Variants in WWOX observed in about 807,000 individuals in gnomAD.
The protein encoded by WWOX is WW domain-containing oxidoreductase.
WWOX carries 69 observed loss-of-function variants against 46.2 expected under a neutral mutation model. The ratio of observed to expected loss-of-function variants is 1.49; its 90% CI spans 1.23 to 1.82. The LOEUF (loss-of-function observed/expected upper bound fraction) is 1.82. Among genes scored for constraint, WWOX ranks in the 40% most tolerant of loss-of-function variants. The pLI, the probability that WWOX is intolerant of heterozygous loss-of-function variation, is 0.00. For missense variants in WWOX, 919 were observed against 542.6 expected, an observed-to-expected ratio of 1.69 and a Z score of -6.89; for synonymous variants, 359 against 202.6, an observed-to-expected ratio of 1.77 and a Z score of -6.56.
In WWOX at chr16:79,212,410, C is replaced by T; in HGVS notation, c.*614C>T. On this transcript the variant is annotated 3_prime_UTR_variant, in exon 9 of 9. Coordinates refer to ENST00000566780, the MANE Select transcript of WWOX (RefSeq NM_016373.4). ...GGTGGCAAAGTACTTGTCATAGACTCCTTTGCTAATGCTATGCAAAAAATT... is the reference window on the plus strand; with the variant it reads ...GGTGGCAAAGTACTTGTCATAGACTTCTTTGCTAATGCTATGCAAAAAATT... 1 of 399,462 alleles carries T rather than the reference C, an allele frequency of 2.5e-6. No individual in the cohort carries two copies. The highest frequency in any genetic ancestry group is 4.5e-6 in the Non-Finnish European group (1 of 224,664). The allele number at this position is 399,462 out of a possible 1,614,324, so 24.7% of individuals were successfully genotyped here. A position where few individuals can be genotyped will look rare whatever the true frequency, so the allele number is the denominator to read the frequency against.
At chr16:79,023,136 C>G (rs1384945190) in intron 8 of WWOX, among the ~76,000 whole-genome samples, 2 of 151,976 alleles carry the variant, frequency 1.3e-5, no homozygotes, top group African/African-American at 4.8e-5. Flanking sequence ...GGAATGTGAC[C>G]CGGGGGCTCT....
chr16:78,634,637 C>T (rs1349476213), intron 8 of WWOX, among the ~76,000 whole-genome samples: 5 of 148,528 alleles, frequency 3.4e-5, no homozygotes, highest in Admixed American at 1.3e-4. Flanking sequence ...ACCCAGGAGG[C>T]GGAGGTTGCA....
At chr16:78,926,411 C>G (rs2045499564) in intron 8 of WWOX, among the ~76,000 whole-genome samples, 1 of 151,934 alleles carries the variant, frequency 6.6e-6, no homozygotes, top group Admixed American at 6.6e-5. Flanking sequence ...TAAAGCCTGG[C>G]CCATGCAATT....
chr16:79,167,785 T>C (rs1414486708), intron 8 of WWOX, among the ~76,000 whole-genome samples: 2 of 152,230 alleles, frequency 1.3e-5, no homozygotes, highest in African/African-American at 4.8e-5. Context: ...CATTTTAAAG[T>C]GTACACTTCA....
chr16:79,024,343 C>G (rs1026698331), intron 8 of WWOX, among the ~76,000 whole-genome samples: 1 of 152,182 alleles, frequency 6.6e-6, no homozygotes, highest in African/African-American at 2.4e-5. Context: ...ACTGCAGCCT[C>G]AAACTCCTAA....
intron 8 of WWOX, among the ~76,000 whole-genome samples, chr16:78,632,162 G>C (rs1401708624): frequency 6.6e-6 from 1 of 152,286 alleles, no homozygotes; most frequent in African/African-American, 2.4e-5. Context: ...TTGAATTCCA[G>C]TTCTCTCATA....
intron 8 of WWOX, among the ~76,000 whole-genome samples, chr16:78,863,136 T>C (rs900419008): frequency 6.6e-6 from 1 of 152,002 alleles, no homozygotes; most frequent in Admixed American, 6.6e-5. Flanking sequence ...TTTTGTATTT[T>C]TAATAGAGAT....
At chr16:78,375,509 T>C (rs2081798342) in intron 5 of WWOX, among the ~76,000 whole-genome samples, 2 of 152,250 alleles carry the variant, frequency 1.3e-5, no homozygotes, top group Non-Finnish European at 2.9e-5. Flanking sequence ...CATCAGGTAT[T>C]AGAGACACAG....
At chr16:78,954,001 C>G (rs557691465) in intron 8 of WWOX, among the ~76,000 whole-genome samples, 1 of 152,210 alleles carries the variant, frequency 6.6e-6, no homozygotes. Context: ...ATGAACAACA[C>G]GTGGTCTTTG....
At chr16:78,824,201 T>C (rs940333537) in intron 8 of WWOX, among the ~76,000 whole-genome samples, 5 of 152,240 alleles carry the variant, frequency 3.3e-5, no homozygotes, top group Non-Finnish European at 1.5e-5. Flanking sequence ...CTCATTTTGC[T>C]TTTTATAAAC....
chr16:78,424,193 C>A (rs937130722), intron 6 of WWOX, among the ~76,000 whole-genome samples: 7 of 145,570 alleles, frequency 4.8e-5, no homozygotes, highest in Non-Finnish European at 8.9e-5. Flanking sequence ...TCTTAGCTCA[C>A]TGCAACCTCT....
At chr16:78,302,176 G>A (rs922051081) in intron 5 of WWOX, among the ~76,000 whole-genome samples, 3 of 152,040 alleles carry the variant, frequency 2.0e-5, no homozygotes, top group Non-Finnish European at 2.9e-5. Context: ...GGCCAGGCTG[G>A]TCTCGAACTC....
intron 8 of WWOX, among the ~76,000 whole-genome samples, chr16:78,919,253 C>T (rs1442578092): frequency 2.0e-5 from 3 of 152,092 alleles, no homozygotes; most frequent in East Asian, 3.9e-4. Context: ...CAGAGACACC[C>T]CCCCACTCTT....
chr16:79,018,567 T>C (rs2047464109), intron 8 of WWOX, among the ~76,000 whole-genome samples: 1 of 152,120 alleles, frequency 6.6e-6, no homozygotes, highest in Non-Finnish European at 1.5e-5. Flanking sequence ...CTGTCTGTAT[T>C]GATCCAATTA....
Position 78,531,541 on chromosome 16 carries a change from G to T in WWOX, c.1056+98789G>T, listed in dbSNP as rs371429482. 3.3e-5 allele frequency among the ~76,000 whole-genome samples: 5 copies of T among 152,194 alleles called. No individual in the cohort carries two copies. In the East Asian group the frequency reaches 5.8e-4, roughly 18 times the overall value. ...TTACATGTATGAAGTTGGATAGTTA[G>T]AATGAGATGAAAATAAATGGGCTGG... On this transcript the variant is annotated intron_variant, in intron 8 of 8. Coordinates refer to ENST00000566780, the MANE Select transcript of WWOX (RefSeq NM_016373.4).
At chr16:78,919,949 C>G (rs950865303) in intron 8 of WWOX, among the ~76,000 whole-genome samples, 5 of 152,160 alleles carry the variant, frequency 3.3e-5, no homozygotes, top group Admixed American at 2.0e-4. Flanking sequence ...GAATAATAGA[C>G]TACCAAACAC....
intron 6 of WWOX, among the ~76,000 whole-genome samples, chr16:78,412,510 A>G (rs1343036084): frequency 6.6e-6 from 1 of 152,152 alleles, no homozygotes; most frequent in African/African-American, 2.4e-5. Context: ...AGATGGAATG[A>G]AAAGAGATTG....
intron 8 of WWOX, among the ~76,000 whole-genome samples, chr16:79,189,682 T>C (rs949497913): frequency 2.0e-5 from 3 of 151,944 alleles, no homozygotes; most frequent in African/African-American, 7.3e-5. Flanking sequence ...CTTTTGACAA[T>C]AGATGTTAGC....
chr16:78,315,284 G>T (rs886485319), intron 5 of WWOX, among the ~76,000 whole-genome samples: 7 of 151,896 alleles, frequency 4.6e-5, no homozygotes, highest in Non-Finnish European at 1.0e-4. Context: ...AAGTGAAACT[G>T]TTTTTTTTCC....
Sources: gnomAD v4.1 joint callset for allele counts (sites outside exome capture counted in the v4.1 genomes callset) on GRCh38, gnomAD v4.1.1 for gene constraint, MANE v1.5 for transcripts, NCBI Gene and HGNC (gene_info 2026-07-23, HGNC 2026-07-21) for gene names.